Variants in PCDHA4 observed in about 807,000 individuals in gnomAD.
The protein encoded by PCDHA4 is protocadherin alpha 4, also known as protocadherin alpha-4.
PCDHA4 carries 49 observed loss-of-function variants against 61.4 expected under a neutral mutation model. The ratio of observed to expected loss-of-function variants is 0.80; its 90% CI spans 0.63 to 1.01. PCDHA4 has a LOEUF of 1.01. PCDHA4 is among the 50% of genes least tolerant of loss of function. PCDHA4 has a pLI of 0.00. For synonymous variants in PCDHA4, 590 were observed against 550.3 expected, an observed-to-expected ratio of 1.07 and a Z score of -1.01; for missense variants, 1,254 against 1,235.8, an observed-to-expected ratio of 1.01 and a Z score of -0.22.
chr5:140,888,343 G>C (rs1476390329), intron 1 of PCDHA4, among the ~76,000 whole-genome samples: 1 of 152,152 alleles, frequency 6.6e-6, no homozygotes, highest in Admixed American at 6.5e-5. Context: ...ATTACAACTA[G>C]GGAATTGCTA....
At chr5:140,948,942 TA>T (rs34363674) in intron 1 of PCDHA4, among the ~76,000 whole-genome samples, 1 of 151,394 alleles carries the variant, frequency 6.6e-6, no homozygotes, top group Admixed American at 6.6e-5. Context: ...TCTTCTAATA[TA>T]AAAAAATTAA....
chr5:140,982,507 G>T lies in PCDHA4; in HGVS notation c.2477G>T (p.Arg826Leu). Reference sequence around the variant, plus strand: ...CACCTAGAGGAGGCTGGCATTCTACGGGCTGGTCCAGGAGGGCCTGATCAG... The same window carrying T: ...CACCTAGAGGAGGCTGGCATTCTACTGGCTGGTCCAGGAGGGCCTGATCAG... The part of the protein sequence containing the change: ...SVHLEEAGIL[R>L]AGPGGPDQQW... The change falls in exon 3 of 4, where the codon CGG becomes CTG. Residue 826 changes from arginine to leucine, a missense_variant. Physicochemically the swap from Arg to Leu is moderately radical, Grantham distance 102. Coordinates refer to ENST00000530339, the MANE Select transcript of PCDHA4 (RefSeq NM_018907.4). 6.2e-7 allele frequency: 1 copy of T among 1,614,138 alleles called. No homozygotes were observed. Among genetic ancestry groups the T allele is most frequent in the Non-Finnish European group, 8.5e-7 (1 of 1,180,018 alleles).
At chr5:140,896,226 T>G (rs1554186874) in intron 1 of PCDHA4, among the ~76,000 whole-genome samples, 1 of 152,242 alleles carries the variant, frequency 6.6e-6, no homozygotes, top group African/African-American at 2.4e-5. Flanking sequence ...GTCTTTATAG[T>G]AGAATGACTT....
Position 140,808,558 on chromosome 5 carries a change from G to A in PCDHA4, c.1371G>A (p.Gln457=). The change falls in exon 1 of 4, where the codon CAG becomes CAA. Residue 457 remains glutamine (Q), a synonymous_variant. Transcript: ENST00000530339. Reference sequence around the variant, plus strand: ...ACGACAACGCTCCGGCGTTCGCGCAGCCCGAGTACACAGTGTTCGTGAAGG... The same window carrying A: ...ACGACAACGCTCCGGCGTTCGCGCAACCCGAGTACACAGTGTTCGTGAAGG... The part of the protein sequence containing the change: ...DVNDNAPAFA[Q]PEYTVFVKEN... 1 of 1,614,114 alleles carries A rather than the reference G, an allele frequency of 6.2e-7. No homozygotes were observed. The highest frequency in any genetic ancestry group is 8.5e-7 in the Non-Finnish European group (1 of 1,180,020).
intron 1 of PCDHA4, chr5:140,927,902 C>T (rs782319959): frequency 1.5e-5 from 25 of 1,614,182 alleles, no homozygotes; most frequent in Non-Finnish European, 2.1e-5. Flanking sequence ...AACGATCATG[C>T]CCCCGAACTG....
chr5:140,991,003 A>C (rs1228444549), intron 3 of PCDHA4, among the ~76,000 whole-genome samples: 1 of 152,190 alleles, frequency 6.6e-6, no homozygotes, highest in East Asian at 1.9e-4. Flanking sequence ...ATTTATTGAG[A>C]ACTGTGATAA....
At chr5:140,914,140 T>C (rs1006570934) in intron 1 of PCDHA4, among the ~76,000 whole-genome samples, 2 of 152,230 alleles carry the variant, frequency 1.3e-5, no homozygotes, top group African/African-American at 4.8e-5. Flanking sequence ...AGTTTTTGTC[T>C]GTCAGTTCTG....
At chr5:140,911,249 C>T (rs782367621) in intron 1 of PCDHA4, among the ~76,000 whole-genome samples, 4 of 152,152 alleles carry the variant, frequency 2.6e-5, no homozygotes, top group African/African-American at 4.8e-5. Context: ...AAAGTTTCAT[C>T]AGAATTTATA....
Position 140,842,704 on chromosome 5 carries a change from G to T in PCDHA4, c.2385+33132G>T, listed in dbSNP as rs151170990. 1.9e-4 allele frequency: 301 copies of T among 1,595,236 alleles called. 23 individuals are homozygous for T. In the African/African-American group the frequency reaches 3.7e-3, roughly 20 times the overall value. On this transcript the variant is annotated intron_variant, in intron 1 of 3. Transcript: ENST00000530339. ...CGGCGTTCGCGCAGCCCGAGTACAC[G>T]GTGTTCGTGAAGGAGAACAACCCGC...
intron 2 of PCDHA4, among the ~76,000 whole-genome samples, chr5:140,979,495 G>A (rs1405180713): frequency 6.6e-6 from 1 of 151,840 alleles, no homozygotes; most frequent in Non-Finnish European, 1.5e-5. Context: ...ACCTATTAGA[G>A]CCTCCTCATC....
At chr5:140,967,547 A>T in intron 1 of PCDHA4, 1 of 1,613,890 alleles carries the variant, frequency 6.2e-7, no homozygotes, top group Non-Finnish European at 8.5e-7. Flanking sequence ...TGACCAGTCC[A>T]CTTATCGCGT....
chr5:140,891,933 C>T (rs1554185011), intron 1 of PCDHA4, among the ~76,000 whole-genome samples: 1 of 152,220 alleles, frequency 6.6e-6, no homozygotes, highest in African/African-American at 2.4e-5. Flanking sequence ...TGATCTTGGA[C>T]TTCCCCTAGG....
At chr5:140,835,352 C>A (rs2150234415) in intron 1 of PCDHA4, 3 of 1,613,802 alleles carry the variant, frequency 1.9e-6, no homozygotes, top group South Asian at 1.1e-5. Flanking sequence ...TCGAGGCTGT[C>A]GATAAAGGCT....
At chr5:140,865,724 G>T (rs1334768794) in intron 1 of PCDHA4, 1 of 152,164 alleles carries the variant, frequency 6.6e-6, no homozygotes, top group African/African-American at 2.4e-5. Flanking sequence ...GAGAAGCTGA[G>T]ATGTGTATCT....
At chr5:140,879,960 C>T (rs781917048) in intron 1 of PCDHA4, among the ~76,000 whole-genome samples, 3 of 152,168 alleles carry the variant, frequency 2.0e-5, no homozygotes, top group Non-Finnish European at 4.4e-5. Flanking sequence ...TCTGGATAAT[C>T]CAGGATAAAC....
intron 1 of PCDHA4, among the ~76,000 whole-genome samples, chr5:140,903,632 C>T (rs1554191062): frequency 6.6e-6 from 1 of 152,134 alleles, no homozygotes. Context: ...CATATGTATG[C>T]ATATACCATA....
chr5:140,909,117 G>T lies in PCDHA4; in HGVS notation c.2386-69832G>T, dbSNP rs576916273. Among the ~76,000 whole-genome samples the T allele has an allele frequency of 1.1e-4, 16 of 152,272 alleles. No homozygotes were observed. The South Asian group carries it at 3.1e-3, about 30-fold the overall frequency. On this transcript the variant is annotated intron_variant, in intron 1 of 3. Transcript: ENST00000530339. ...ACTCACTGGGTCCAATCAGCAAAAT[G>T]TCATCAAGGTAATGAACCAGTGTGA...
At chr5:140,849,862 C>G in intron 1 of PCDHA4, 1 of 1,598,598 alleles carries the variant, frequency 6.3e-7, no homozygotes, top group Non-Finnish European at 8.6e-7. Flanking sequence ...CCAGCGTTCG[C>G]GCAGTCCGAG....
rs544074425 is a variant in PCDHA4, at chr5:140,965,070, C to A, written c.2386-13879C>A. Among the ~76,000 whole-genome samples the A allele has an allele frequency of 1.2e-4, 19 of 152,306 alleles. 1 individual carries two copies. In the South Asian group the frequency reaches 3.9e-3, roughly 32 times the overall value. On this transcript the variant is annotated intron_variant, in intron 1 of 3. Coordinates refer to ENST00000530339, the MANE Select transcript of PCDHA4 (RefSeq NM_018907.4). ...GGGAAGCATGCCAAATGTCAGGTCT[C>A]ACTCTGACTTTGTTCCAGTCCATAG... is the stretch of plus-strand genomic sequence containing the variant.
Sources: gnomAD v4.1 joint callset for allele counts (sites outside exome capture counted in the v4.1 genomes callset) on GRCh38, gnomAD v4.1.1 for gene constraint, MANE v1.5 for transcripts, NCBI Gene and HGNC (gene_info 2026-07-23, HGNC 2026-07-21) for gene names.